The following BBS2 variants were observed in gnomAD, a reference collection of about 807,000 sequenced individuals.
BBS2 encodes the protein BBSome complex member BBS2.
BBS2 carries 62 observed loss-of-function variants against 83.0 expected under a neutral mutation model. The ratio of observed to expected loss-of-function variants is 0.75; its 90% CI spans 0.61 to 0.92. BBS2 has a LOEUF of 0.92. Ranked by LOEUF, BBS2 falls within the 40% of genes least tolerant of loss-of-function variation. The probability of loss-of-function intolerance (pLI) is 0.00; values close to 1 mark genes in which losing one functional copy is unlikely to be tolerated. For synonymous variants in BBS2, 303 were observed against 326.1 expected (o/e 0.93, Z 0.76); for missense variants, 784 against 901.0 (o/e 0.87, Z 1.66).
intron 17 of BBS2, among the ~76,000 whole-genome samples, chr16:56,473,707 T>C (rs1040524226): frequency 6.6e-6 from 1 of 152,352 alleles, no homozygotes; most frequent in South Asian, 2.1e-4. Flanking sequence ...TACTTGATTT[T>C]TTTTTTTCAT....
intron 17 of BBS2, chr16:56,475,974 C>CA (rs2144065226): frequency 7.4e-7 from 1 of 1,355,330 alleles, no homozygotes; most frequent in South Asian, 1.3e-5. Flanking sequence ...CCATCTGTTC[C>CA]ATGGTTAATC....
intron 16 of BBS2, among the ~76,000 whole-genome samples, 157 bp downstream of exon 16, chr16:56,485,433 C>T (rs1032816314): frequency 6.6e-6 from 1 of 152,082 alleles, no homozygotes; most frequent in African/African-American, 2.4e-5. Context: ...AACACTAGGC[C>T]GACTGACTGA....
chr16:56,515,703 A>T (rs1964720252), intron 1 of BBS2, among the ~76,000 whole-genome samples: 1 of 152,272 alleles, frequency 6.6e-6, no homozygotes, highest in Non-Finnish European at 1.5e-5. Context: ...AATAATTTTC[A>T]AAAGAATTGA....
At chr16:56,491,455 C>T (rs1425248238) in intron 15 of BBS2, among the ~76,000 whole-genome samples, 2 of 152,128 alleles carry the variant, frequency 1.3e-5, no homozygotes, top group Admixed American at 1.3e-4. Context: ...TTTGACTTCA[C>T]ACATGGCCCT....
intron 15 of BBS2, among the ~76,000 whole-genome samples, chr16:56,488,915 T>C (rs1291452510): frequency 6.6e-6 from 1 of 152,188 alleles, no homozygotes; most frequent in Non-Finnish European, 1.5e-5. Flanking sequence ...GGGTTGAAGA[T>C]CAAATATGTA....
downstream of BBS2, among the ~76,000 whole-genome samples, chr16:56,484,003 AAT>A (rs1491322130): frequency 3.8e-5 from 4 of 106,338 alleles, no homozygotes; most frequent in South Asian, 6.8e-4. Flanking sequence ...GCTCAGCCCA[AAT>A]ATTTTTTTTT....
At chr16:56,505,723 G>A (rs1964403003) in intron 7 of BBS2, among the ~76,000 whole-genome samples, 3 of 152,130 alleles carry the variant, frequency 2.0e-5, no homozygotes, top group South Asian at 2.1e-4. Flanking sequence ...GAATCTCCCC[G>A]AAGATTTCCC....
At chr16:56,507,788 C>T (rs1296174491) in intron 5 of BBS2, among the ~76,000 whole-genome samples, 3 of 151,846 alleles carry the variant, frequency 2.0e-5, no homozygotes, top group South Asian at 2.1e-4. Flanking sequence ...GCCAACATGA[C>T]GAAACCCCAT....
At chr16:56,516,055 A>C (rs1446677472) in intron 1 of BBS2, 1 of 152,252 alleles carries the variant, frequency 6.6e-6, no homozygotes, top group Non-Finnish European at 1.5e-5. Context: ...CTCCATATTC[A>C]TTCTTACCGG....
chr16:56,519,198 G>A (rs1964840589), intron 1 of BBS2, among the ~76,000 whole-genome samples: 2 of 151,908 alleles, frequency 1.3e-5, no homozygotes, highest in Non-Finnish European at 2.9e-5. Flanking sequence ...AGGCGTGGTG[G>A]CGGGCGCCTG....
chr16:56,480,024 A>G (rs1162880610), downstream of BBS2, among the ~76,000 whole-genome samples: 1 of 152,214 alleles, frequency 6.6e-6, no homozygotes, highest in Non-Finnish European at 1.5e-5. Context: ...TACAGAGACT[A>G]CTTCACTACT....
chr16:56,490,568 G>A (rs1963921231), intron 15 of BBS2, among the ~76,000 whole-genome samples: 1 of 151,658 alleles, frequency 6.6e-6, no homozygotes, highest in Admixed American at 6.6e-5. Flanking sequence ...TTGAATCTGG[G>A]AGGCAGAGGT....
exon 18 of BBS2, chr16:56,470,647 GA>G: frequency 6.2e-7 from 1 of 1,614,140 alleles, no homozygotes; most frequent in Non-Finnish European, 8.5e-7. Flanking sequence ...TGATAAAAAA[GA>G]GGCAGAAACC....
At chr16:56,507,538 G>A (rs1470616511) in intron 5 of BBS2, among the ~76,000 whole-genome samples, 7 of 152,114 alleles carry the variant, frequency 4.6e-5, no homozygotes, top group African/African-American at 7.2e-5. Context: ...ATGAGAATTC[G>A]GGACACACCA....
At chr16:56,511,128 G>A in intron 3 of BBS2, 31 bp downstream of exon 3, 1 of 1,613,336 alleles carries the variant, frequency 6.2e-7, no homozygotes, top group Non-Finnish European at 8.5e-7. Context: ...AATGCTTAAG[G>A]GTACCAAAAA....
chr16:56,490,603 T>C (rs1597006293), intron 15 of BBS2, among the ~76,000 whole-genome samples: 1 of 151,748 alleles, frequency 6.6e-6, no homozygotes, highest in Non-Finnish European at 1.5e-5. Context: ...ATCACGCCAC[T>C]GCACTCCAGG....
At chr16:56,509,727 T>C in intron 5 of BBS2, 1 of 518,188 alleles carries the variant, frequency 1.9e-6, no homozygotes, top group South Asian at 2.1e-5. Context: ...TGTATTCAAC[T>C]ATATGCAATA....
rs1159701065 is a variant in BBS2, at chr16:56,499,759, A to C, written c.1527+19T>G. On this transcript the variant is annotated intron_variant, in intron 12 of 16. Coordinates refer to ENST00000245157, the MANE Select transcript of BBS2 (RefSeq NM_031885.5). The stretch of plus-strand genomic sequence containing the variant: ...TTCTACTGTGTAAAAGCATTGAAAG[A>C]GAAAAGCGAGATACTCACCCTCTGT... 1 of 1,613,970 alleles carries C rather than the reference A, an allele frequency of 6.2e-7. No homozygotes were observed. The highest frequency in any genetic ancestry group is 8.5e-7 in the Non-Finnish European group (1 of 1,179,874).
At chr16:56,519,640 A>T in intron 1 of BBS2, 106 bp downstream of exon 1, 2 of 903,492 alleles carry the variant, frequency 2.2e-6, no homozygotes, top group Non-Finnish European at 3.5e-6. Flanking sequence ...GCCGGGCAAC[A>T]CGGGCTGGGG....
Sources: allele counts gnomAD v4.1 joint callset (sites outside exome capture counted in the v4.1 genomes callset), GRCh38; gene constraint gnomAD v4.1.1; transcripts MANE v1.5; gene names NCBI Gene and HGNC (gene_info 2026-07-23, HGNC 2026-07-21).